Variants in FAM222B observed in about 807,000 individuals in gnomAD.
FAM222B encodes protein FAM222B.
A neutral mutation model predicts 38.0 loss-of-function variants in FAM222B; 12 were observed. That is an observed-to-expected ratio of 0.32 (90% confidence interval 0.20 to 0.51). The LOEUF (loss-of-function observed/expected upper bound fraction) is 0.51, where lower values mean the gene tolerates loss of function less well. Among genes scored for constraint, FAM222B ranks in the 20% least tolerant of loss-of-function variants. The pLI, the probability that FAM222B is intolerant of heterozygous loss-of-function variation, is 0.97. For synonymous variants in FAM222B, 329 were observed against 317.2 expected (o/e 1.04, Z -0.40); for missense variants, 716 against 754.2 (o/e 0.95, Z 0.59).
In FAM222B at chr17:28,838,479, C is replaced by T. The variant is rs568107855; in HGVS notation, c.-41+4203G>A. Among the ~76,000 whole-genome samples, 13 of 151,004 alleles carry T rather than the reference C, an allele frequency of 8.6e-5. No homozygotes were observed. The South Asian group carries it at 2.3e-3, about 27-fold the overall frequency. On this transcript the variant is annotated intron_variant, in intron 1 of 2. Coordinates refer to ENST00000581407, the MANE Select transcript of FAM222B (RefSeq NM_001077498.3). ...CCTGTAGTCCCAGCTACTCAGGAGG[C>T]GGAGGCAGGAGAATGGCGTGAACCT...
chr17:28,815,166 A>C (rs1453914861), intron 1 of FAM222B, among the ~76,000 whole-genome samples: 1 of 152,050 alleles, frequency 6.6e-6, no homozygotes, highest in Non-Finnish European at 1.5e-5. Flanking sequence ...AGTTATTGAG[A>C]GAATAAGAAT....
At chr17:28,760,528 C>G (rs1392926531) in intron 2 of FAM222B, among the ~76,000 whole-genome samples, 4 of 151,616 alleles carry the variant, frequency 2.6e-5, no homozygotes, top group Non-Finnish European at 5.9e-5. Flanking sequence ...TGCAGTGAGC[C>G]GACATCGCAC....
intron 1 of FAM222B, among the ~76,000 whole-genome samples, chr17:28,822,835 ATATATATATATATATAT>A (rs2038302042): frequency 6.9e-4 from 43 of 62,134 alleles, no homozygotes; most frequent in African/African-American, 3.5e-3. Context: ...AAAAAAAAAT[ATATATATATATATATAT>A]ATATATATAT....
intron 1 of FAM222B, among the ~76,000 whole-genome samples, chr17:28,770,003 T>C (rs1220971355): frequency 6.6e-6 from 1 of 152,224 alleles, no homozygotes; most frequent in East Asian, 1.9e-4. Context: ...CATTTTTTTC[T>C]TTTAAAATCT....
chr17:28,832,738 C>T (rs1381299355), intron 1 of FAM222B, among the ~76,000 whole-genome samples: 2 of 152,054 alleles, frequency 1.3e-5, no homozygotes, highest in Admixed American at 1.3e-4. Context: ...CTAGCAGAGA[C>T]AGAGAAATAC....
intron 1 of FAM222B, among the ~76,000 whole-genome samples, chr17:28,801,092 G>C (rs946030970): frequency 1.3e-5 from 2 of 150,870 alleles, no homozygotes; most frequent in African/African-American, 4.9e-5. Flanking sequence ...GGGAGGTGGA[G>C]GTTAAAGTGA....
intron 1 of FAM222B, among the ~76,000 whole-genome samples, chr17:28,836,584 G>A (rs994451844): frequency 1.4e-4 from 22 of 152,212 alleles, no homozygotes; most frequent in Admixed American, 2.6e-4. Context: ...GGGGGTCTGC[G>A]TGAGAGGGTC....
At chr17:28,843,228 C>G (rs2039105998), upstream of FAM222B, among the ~76,000 whole-genome samples, 1 of 151,522 alleles carries the variant, frequency 6.6e-6, no homozygotes, top group African/African-American at 2.4e-5. Context: ...ACCTCCGCCT[C>G]CCGGGTTCAA....
At chr17:28,763,578 G>C (rs576706159) in intron 2 of FAM222B, among the ~76,000 whole-genome samples, 2 of 152,354 alleles carry the variant, frequency 1.3e-5, no homozygotes, top group African/African-American at 4.8e-5. Flanking sequence ...GGTGGCATAG[G>C]CAACAGGAAC....
At chr17:28,768,105 T>C (rs998425610) in intron 1 of FAM222B, among the ~76,000 whole-genome samples, 1 of 152,172 alleles carries the variant, frequency 6.6e-6, no homozygotes, top group African/African-American at 2.4e-5. Flanking sequence ...CTGTCAACAA[T>C]GCAAGCTCCT....
chr17:28,803,755 G>A (rs1487646512), intron 1 of FAM222B, among the ~76,000 whole-genome samples: 4 of 151,992 alleles, frequency 2.6e-5, no homozygotes, highest in African/African-American at 4.8e-5. Flanking sequence ...CGAGACGGGT[G>A]GATCAAGAGG....
intron 1 of FAM222B, among the ~76,000 whole-genome samples, chr17:28,820,354 C>T (rs1325471080): frequency 6.6e-6 from 1 of 152,164 alleles, no homozygotes; most frequent in African/African-American, 2.4e-5. Flanking sequence ...TGGTATGGAA[C>T]AAGGAGTGTT....
chr17:28,810,805 A>G (rs894079141), intron 1 of FAM222B, among the ~76,000 whole-genome samples: 1 of 152,244 alleles, frequency 6.6e-6, no homozygotes, highest in African/African-American at 2.4e-5. Context: ...TACTTTCCAC[A>G]GCTGAAATGG....
intron 1 of FAM222B, among the ~76,000 whole-genome samples, chr17:28,778,712 TATATATA>T (rs1372112976): frequency 6.9e-5 from 6 of 87,298 alleles, no homozygotes; most frequent in Non-Finnish European, 8.9e-5. Flanking sequence ...TATATATATA[TATATATA>T]TTTTTTTTTT....
chr17:28,798,645 T>TC (rs2037057781), intron 1 of FAM222B, among the ~76,000 whole-genome samples: 1 of 151,884 alleles, frequency 6.6e-6, no homozygotes, highest in Non-Finnish European at 1.5e-5. Flanking sequence ...CCCCCTTTTT[T>TC]TTTTTTTGAA....
intron 1 of FAM222B, among the ~76,000 whole-genome samples, chr17:28,778,728 T>A (rs1248599469): frequency 3.3e-5 from 4 of 121,214 alleles, no homozygotes; most frequent in African/African-American, 9.3e-5. Flanking sequence ...TATTTTTTTT[T>A]TTTTTTTTTT....
At chr17:28,854,963 G>C in exon 1 of FAM222B, 1 of 1,492,476 alleles carries the variant, frequency 6.7e-7, no homozygotes, top group Non-Finnish European at 8.9e-7. Context: ...TCTCCTACTC[G>C]CTGGTTCGTC....
rs1326747842 is a variant in FAM222B, at chr17:28,797,304, C to T, written c.-40-30597G>A. Among the ~76,000 whole-genome samples the T allele has an allele frequency of 3.3e-5, 5 of 151,768 alleles. 1 individual carries two copies. The highest frequency in any genetic ancestry group is 1.3e-4 in the Admixed American group (2 of 15,216). On this transcript the variant is annotated intron_variant, in intron 1 of 2. Transcript: ENST00000581407. ...AGCCACAGCGGCTGGCTGGCTATTG[C>T]GATTTTGAGGTGAGATGATGAAGAT... is the stretch of plus-strand genomic sequence containing the variant.
chr17:28,789,795 G>A (rs890857091), intron 1 of FAM222B, among the ~76,000 whole-genome samples: 1 of 152,210 alleles, frequency 6.6e-6, no homozygotes, highest in Non-Finnish European at 1.5e-5. Context: ...TGCAGGAAAG[G>A]AAGTGCTCAA....
Sources: gnomAD v4.1 joint callset for allele counts (sites outside exome capture counted in the v4.1 genomes callset) on GRCh38, gnomAD v4.1.1 for gene constraint, MANE v1.5 for transcripts, NCBI Gene and HGNC (gene_info 2026-07-23, HGNC 2026-07-21) for gene names.